The following NRG3 variants were observed in gnomAD, a reference collection of about 807,000 sequenced individuals.
NRG3 encodes neuregulin 3, also known as pro-neuregulin-3, membrane-bound isoform.
NRG3 carries 31 observed loss-of-function variants against 66.9 expected under a neutral mutation model. The observed-to-expected ratio is 0.46, with a 90% CI of 0.35 to 0.63. The LOEUF is 0.63. NRG3 is among the 20% of genes least tolerant of loss of function. NRG3 has a pLI of 0.00. For missense variants in NRG3, 910 were observed against 878.9 expected (o/e 1.04, Z -0.45); for synonymous variants, 393 against 359.4 (o/e 1.09, Z -1.06).
At chr10:82,738,046 GTGACAC>G in intron 2 of NRG3, among the ~76,000 whole-genome samples, 1 of 149,890 alleles carries the variant, frequency 6.7e-6, no homozygotes, top group African/African-American at 2.5e-5. Flanking sequence ...AAGTGGTGAG[GTGACAC>G]TGACTTGGAA....
At chr10:82,404,874 AT>A in intron 2 of NRG3, among the ~76,000 whole-genome samples, 1 of 152,046 alleles carries the variant, frequency 6.6e-6, no homozygotes, top group Non-Finnish European at 1.5e-5. Context: ...TCATTTTGCC[AT>A]TTTTTTCCCT....
rs866429173 is a variant in NRG3, at chr10:82,564,630, A to G, written c.954-173947A>G. On this transcript the variant is annotated intron_variant, in intron 2 of 8. Transcript: ENST00000372141. ...AGAGAAAGAGAAATTCTTAGACTCT[A>G]ACACTCTATCTTGTTGCTCTTAAGA... Among the ~76,000 whole-genome samples, 13 of 152,224 alleles carry G rather than the reference A, an allele frequency of 8.5e-5. No individual in the cohort carries two copies. The Middle Eastern group carries it at 0.01, about 119-fold the overall frequency.
intron 4 of NRG3, among the ~76,000 whole-genome samples, chr10:82,932,694 C>T (rs1847690080): frequency 2.0e-5 from 3 of 152,138 alleles, no homozygotes; most frequent in Admixed American, 1.3e-4. Context: ...AGATCCCTGC[C>T]CTGCATGGCT....
At chr10:82,156,042 A>C (rs1275074681) in intron 1 of NRG3, among the ~76,000 whole-genome samples, 1 of 151,624 alleles carries the variant, frequency 6.6e-6, no homozygotes, top group Non-Finnish European at 1.5e-5. Flanking sequence ...GTTGAGGCAG[A>C]GATGTTCCTC....
intron 1 of NRG3, among the ~76,000 whole-genome samples, chr10:82,176,607 G>A (rs977403378): frequency 9.2e-5 from 14 of 152,040 alleles, no homozygotes; most frequent in Non-Finnish European, 1.2e-4. Flanking sequence ...ATCTCCAGCG[G>A]TGTTTGGTTT....
chr10:82,985,197 G>T lies in NRG3; in HGVS notation c.1683G>T (p.Lys561Asn), dbSNP rs1209385113. 1.2e-6 allele frequency: 2 copies of T among 1,613,976 alleles called. No homozygotes were observed. The highest frequency in any genetic ancestry group is 1.7e-6 in the Non-Finnish European group (2 of 1,180,014). The change falls in exon 9 of 9, where the codon AAG (lysine) becomes AAT (asparagine). Residue 561 changes from lysine to asparagine, a missense_variant. Lys to Asn is a moderately conservative substitution (Grantham distance 94, BLOSUM62 0). Coordinates refer to ENST00000372141, the MANE Select transcript of NRG3 (RefSeq NM_001010848.4). ...CCTATTTTAATAGCTTGGAGCAAAA[G>T]GACCTGGTGGGCTATTCATCCACAA... ...TNPYFNSLEQ[K>N]DLVGYSSTRA...
intron 1 of NRG3, chr10:81,877,813 A>G: frequency 4.9e-6 from 7 of 1,416,216 alleles, no homozygotes; most frequent in Non-Finnish European, 6.4e-6. Context: ...AGGTGTTTAG[A>G]GCCTCCACTC....
At chr10:82,633,847 A>AT (rs1565149431) in intron 2 of NRG3, among the ~76,000 whole-genome samples, 1 of 152,080 alleles carries the variant, frequency 6.6e-6, no homozygotes, top group African/African-American at 2.4e-5. Flanking sequence ...TTGACCATCA[A>AT]TTTTTTTGTC....
At chr10:82,120,170 C>A (rs2067992003) in intron 1 of NRG3, among the ~76,000 whole-genome samples, 1 of 152,040 alleles carries the variant, frequency 6.6e-6, no homozygotes, top group Non-Finnish European at 1.5e-5. Flanking sequence ...TGGAACAGCT[C>A]CTCCACAGAA....
At chr10:82,118,180 G>A (rs1191115822) in intron 1 of NRG3, among the ~76,000 whole-genome samples, 2 of 149,340 alleles carry the variant, frequency 1.3e-5, no homozygotes, top group Non-Finnish European at 3.0e-5. Flanking sequence ...ACTGTAATAA[G>A]TAAGGCCAGA....
intron 1 of NRG3, among the ~76,000 whole-genome samples, chr10:82,041,691 G>T (rs899629595): frequency 3.2e-4 from 48 of 151,934 alleles, no homozygotes; most frequent in African/African-American, 1.1e-3. Context: ...AGACCAGGAG[G>T]TGTATGACAA....
intron 1 of NRG3, among the ~76,000 whole-genome samples, chr10:82,335,370 C>G (rs1358098870): frequency 6.6e-6 from 1 of 152,120 alleles, no homozygotes; most frequent in African/African-American, 2.4e-5. Context: ...AACCTAGGAA[C>G]CCTTTCCTAC....
At chr10:82,772,538 T>A in intron 3 of NRG3, among the ~76,000 whole-genome samples, 1 of 152,026 alleles carries the variant, frequency 6.6e-6, no homozygotes, top group East Asian at 1.9e-4. Context: ...TTTGTCATCT[T>A]TTTTTTCCAA....
intron 4 of NRG3, among the ~76,000 whole-genome samples, chr10:82,935,519 A>G (rs1666918662): frequency 6.6e-6 from 1 of 152,274 alleles, no homozygotes; most frequent in African/African-American, 2.4e-5. Flanking sequence ...ACCTATGAGC[A>G]CTAACATAAA....
At chr10:82,372,169 C>A (rs1207087328) in intron 2 of NRG3, among the ~76,000 whole-genome samples, 2 of 152,178 alleles carry the variant, frequency 1.3e-5, no homozygotes, top group East Asian at 3.9e-4. Context: ...CTCTTGCTGG[C>A]CAACAAAGGC....
chr10:82,481,706 C>T (rs191086628), intron 2 of NRG3, among the ~76,000 whole-genome samples: 10 of 152,068 alleles, frequency 6.6e-5, no homozygotes, highest in South Asian at 2.1e-4. Flanking sequence ...AATTCTAGGC[C>T]GGGCACGATG....
intron 2 of NRG3, among the ~76,000 whole-genome samples, chr10:82,597,644 C>T (rs772967943): frequency 3.3e-5 from 5 of 152,174 alleles, no homozygotes; most frequent in Middle Eastern, 3.4e-3. Context: ...ACTTGCTGGC[C>T]GGGAGCAGTT....
At chr10:82,321,142 G>C (rs1207129506) in intron 1 of NRG3, among the ~76,000 whole-genome samples, 1 of 152,186 alleles carries the variant, frequency 6.6e-6, no homozygotes, top group Non-Finnish European at 1.5e-5. Flanking sequence ...GGCGTCAGTG[G>C]TTGCAGGCAC....
intron 1 of NRG3, among the ~76,000 whole-genome samples, chr10:82,068,961 A>G (rs2064647790): frequency 6.6e-6 from 1 of 152,262 alleles, no homozygotes; most frequent in African/African-American, 2.4e-5. Flanking sequence ...GTCAACCACC[A>G]AAACAAGAAT....
Sources: gnomAD v4.1 joint callset for allele counts (sites outside exome capture counted in the v4.1 genomes callset) on GRCh38, gnomAD v4.1.1 for gene constraint, MANE v1.5 for transcripts, NCBI Gene and HGNC (gene_info 2026-07-23, HGNC 2026-07-21) for gene names.